Variants in SEC31A observed in about 807,000 individuals in gnomAD.
SEC31A encodes SEC31 homolog A, COPII component.
Under a neutral mutation model 151.0 loss-of-function variants are expected in SEC31A, and 70 were observed. The ratio of observed to expected loss-of-function variants is 0.46; its 90% confidence interval spans 0.38 to 0.57. The LOEUF (loss-of-function observed/expected upper bound fraction) is 0.57. Ranked by LOEUF, SEC31A falls within the 20% of genes least tolerant of loss-of-function variation. SEC31A has a pLI of 0.00. For synonymous variants in SEC31A, 475 were observed against 505.9 expected (o/e 0.94, Z 0.82); for missense variants, 1,330 against 1,471.2 (o/e 0.90, Z 1.57).
chr4:82,884,944 C>T (rs1740335485), intron 1 of SEC31A, among the ~76,000 whole-genome samples: 1 of 152,208 alleles, frequency 6.6e-6, no homozygotes, highest in African/African-American at 2.4e-5. Context: ...GTCAATTTCT[C>T]ATGGTATCTC....
intron 3 of SEC31A, among the ~76,000 whole-genome samples, chr4:82,898,983 G>C (rs1024651475): frequency 6.6e-6 from 1 of 152,026 alleles, no homozygotes. Context: ...ACTGTTGAAC[G>C]GATAAACAAA....
intron 2 of SEC31A, 78 bp from the exon 3 acceptor site, chr4:82,881,000 G>T: frequency 1.6e-6 from 2 of 1,269,458 alleles, no homozygotes; most frequent in Non-Finnish European, 1.1e-6. Flanking sequence ...GAAGTTAAAA[G>T]CATGTTTTCC....
intron 24 of SEC31A, 90 bp downstream of exon 24, chr4:82,827,279 T>C: frequency 7.3e-7 from 1 of 1,372,482 alleles, no homozygotes; most frequent in Non-Finnish European, 1.0e-6. Context: ...TGTTTAATAA[T>C]AATCATGCAA....
At chr4:82,883,860 G>C (rs918529624) in intron 1 of SEC31A, among the ~76,000 whole-genome samples, 1 of 151,336 alleles carries the variant, frequency 6.6e-6, no homozygotes, top group African/African-American at 2.4e-5. Flanking sequence ...AAAAATGTTA[G>C]CTCTGTATAG....
chr4:82,857,663 A>G (rs1732974659), intron 15 of SEC31A, 26 bp downstream of exon 15: 1 of 1,415,526 alleles, frequency 7.1e-7, no homozygotes, highest in Non-Finnish European at 9.9e-7. Flanking sequence ...AAAAAAAATT[A>G]GAAATCAAAA....
chr4:82,831,011 T>C, intron 22 of SEC31A: 1 of 956,094 alleles, frequency 1.0e-6, no homozygotes, highest in Non-Finnish European at 1.4e-6. Context: ...TAACAGTGTT[T>C]ACTGAAGACA....
At chr4:82,883,873 A>G (rs527595605) in intron 1 of SEC31A, among the ~76,000 whole-genome samples, 1 of 151,960 alleles carries the variant, frequency 6.6e-6, no homozygotes, top group African/African-American at 2.4e-5. Flanking sequence ...CTGTATAGTA[A>G]TACTATAAAT....
In SEC31A at chr4:82,866,991, G is replaced by A. The variant is rs202205373; in HGVS notation, c.1045-31C>T. On this transcript the variant is annotated intron_variant, in intron 9 of 26. Coordinates refer to ENST00000395310, the MANE Select transcript of SEC31A (RefSeq NM_001077207.4). ...AAAGATAATAATAACATAAGCATCC[G>A]ACCATACACAAAGTTTCATTTTTTT... The A allele has an allele frequency of 1.9e-5, 31 of 1,591,514 alleles. No individual in the cohort carries two copies. The East Asian group carries it at 3.6e-4, about 18-fold the overall frequency.
chr4:82,883,883 T>C (rs1739961370), intron 1 of SEC31A, among the ~76,000 whole-genome samples: 1 of 151,880 alleles, frequency 6.6e-6, no homozygotes, highest in African/African-American at 2.4e-5. Context: ...ATACTATAAA[T>C]GATGTATAAC....
intron 22 of SEC31A, among the ~76,000 whole-genome samples, chr4:82,841,018 T>A (rs183200997): frequency 1.3e-5 from 2 of 152,214 alleles, no homozygotes; most frequent in African/African-American, 4.8e-5. Context: ...TTGCTGTAAC[T>A]TTTTTACTTT....
upstream of SEC31A, chr4:82,893,267 T>A (rs1719925028): frequency 6.6e-6 from 1 of 152,202 alleles, no homozygotes; most frequent in African/African-American, 2.4e-5. Context: ...CAGGGACTCA[T>A]TTTGTTGCCC....
intron 11 of SEC31A, 59 bp downstream of exon 11, chr4:82,864,303 T>C: frequency 8.5e-7 from 1 of 1,173,624 alleles, no homozygotes. Flanking sequence ...ATTTAGAATA[T>C]AAAGGAACAG....
intron 18 of SEC31A, among the ~76,000 whole-genome samples, chr4:82,852,712 AT>A (rs1255808931): frequency 6.6e-6 from 1 of 152,200 alleles, no homozygotes; most frequent in African/African-American, 2.4e-5. Flanking sequence ...TTAGAAAAAA[AT>A]ATCTAATATA....
intron 14 of SEC31A, chr4:82,858,109 T>C: frequency 5.4e-6 from 1 of 184,272 alleles, no homozygotes; most frequent in Non-Finnish European, 1.1e-5. Flanking sequence ...TGAAACCCCA[T>C]ATCTACTAAA....
chr4:82,880,081 G>A (rs1325286436), intron 3 of SEC31A, among the ~76,000 whole-genome samples: 4 of 152,006 alleles, frequency 2.6e-5, no homozygotes, highest in Non-Finnish European at 5.9e-5. Context: ...TACTCGGGAG[G>A]CTGAGGCAGG....
chr4:82,822,866 G>A (rs566113036), intron 25 of SEC31A, among the ~76,000 whole-genome samples: 1 of 152,256 alleles, frequency 6.6e-6, no homozygotes, highest in Admixed American at 6.5e-5. Flanking sequence ...CCAGCTACTA[G>A]GGAGGCTGAG....
intron 20 of SEC31A, among the ~76,000 whole-genome samples, chr4:82,844,839 G>A (rs910314540): frequency 1.3e-5 from 2 of 152,054 alleles, no homozygotes; most frequent in African/African-American, 4.8e-5. Context: ...GTAAATATAA[G>A]TATAAATGCC....
chr4:82,858,668 CAA>C (rs1437819332), intron 14 of SEC31A, among the ~76,000 whole-genome samples: 1 of 149,536 alleles, frequency 6.7e-6, no homozygotes, highest in Non-Finnish European at 1.5e-5. Context: ...ATGAGTGGCT[CAA>C]AATATGGAAA....
At chr4:82,850,099 A>T (rs990441465) in intron 19 of SEC31A, among the ~76,000 whole-genome samples, 7 of 143,802 alleles carry the variant, frequency 4.9e-5, no homozygotes, top group Admixed American at 4.7e-4. Context: ...GGCCTAAAGA[A>T]TGTTCTTTAA....
Sources: gnomAD v4.1 joint callset for allele counts (sites outside exome capture counted in the v4.1 genomes callset) on GRCh38, gnomAD v4.1.1 for gene constraint, MANE v1.5 for transcripts, NCBI Gene and HGNC (gene_info 2026-07-23, HGNC 2026-07-21) for gene names.